The following CCDC122 variants were observed in gnomAD, a reference collection of about 807,000 sequenced individuals.
CCDC122 encodes coiled-coil domain containing 122.
A neutral mutation model predicts 37.0 loss-of-function variants in CCDC122; 38 were observed. The ratio of observed to expected loss-of-function variants is 1.03; its 90% confidence interval spans 0.79 to 1.35. The LOEUF is 1.35. Among genes scored for constraint, CCDC122 ranks in the 40% most tolerant of loss-of-function variants. The probability of loss-of-function intolerance (pLI) is 0.00; values close to 1 mark genes in which losing one functional copy is unlikely to be tolerated. For synonymous variants in CCDC122, 83 were observed against 95.6 expected, an observed-to-expected ratio of 0.87 and a Z score of 0.77; for missense variants, 305 against 310.0, an observed-to-expected ratio of 0.98 and a Z score of 0.12.
At chr13:43,863,700 TG>T (rs1954186742) in intron 4 of CCDC122, among the ~76,000 whole-genome samples, 4 of 142,690 alleles carry the variant, frequency 2.8e-5, no homozygotes, top group African/African-American at 1.0e-4. Context: ...TGTGTGTGTG[TG>T]TGCCTGTGTG....
intron 4 of CCDC122, among the ~76,000 whole-genome samples, chr13:43,860,866 A>C (rs1954080492): frequency 6.6e-6 from 1 of 152,212 alleles, no homozygotes; most frequent in South Asian, 2.1e-4. Context: ...CCTCTAATTC[A>C]CTATATCCAA....
intron 6 of CCDC122, 46 bp downstream of exon 6, chr13:43,858,735 A>T: frequency 7.8e-7 from 1 of 1,275,982 alleles, no homozygotes; most frequent in Non-Finnish European, 1.0e-6. Flanking sequence ...GTTAAGTTTT[A>T]AAAATGGTCC....
At chr13:43,877,257 C>T (rs1243721637) in intron 1 of CCDC122, among the ~76,000 whole-genome samples, 1 of 152,102 alleles carries the variant, frequency 6.6e-6, no homozygotes, top group African/African-American at 2.4e-5. Context: ...TGCAGAATTC[C>T]AATCAGTAGA....
intron 3 of CCDC122, chr13:43,824,111 G>C (rs1440659335): frequency 6.6e-6 from 1 of 152,170 alleles, no homozygotes; most frequent in Non-Finnish European, 1.5e-5. Context: ...GATTGGAGGA[G>C]TCAGTTCAAT....
chr13:43,852,446 G>C (rs1261899054), intron 6 of CCDC122, among the ~76,000 whole-genome samples: 1 of 152,036 alleles, frequency 6.6e-6, no homozygotes, highest in Admixed American at 6.5e-5. Flanking sequence ...AAAAAAGAAT[G>C]AAAAGGAATG....
chr13:43,879,740 T>TGAGGCGGGGCGAGGGGGGC (rs1555394114), upstream of CCDC122: 1 of 129,378 alleles, frequency 7.7e-6, no homozygotes, highest in African/African-American at 2.9e-5. Flanking sequence ...GCGAGGTAGG[T>TGAGGCGGGGCGAGGGGGGC]GAGGTGAGGC....
At chr13:43,826,939 C>T (rs9567274) in intron 3 of CCDC122, among the ~76,000 whole-genome samples, 3,634 of 152,190 alleles carry the variant, frequency 0.024, 109 homozygotes, top group East Asian at 0.14. Flanking sequence ...ACATTTATGA[C>T]TAATTTATAA....
intron 2 of CCDC122, among the ~76,000 whole-genome samples, 190 bp from the exon 3 acceptor site, chr13:43,869,679 C>T (rs1267073733): frequency 6.6e-6 from 1 of 151,878 alleles, no homozygotes; most frequent in Non-Finnish European, 1.5e-5. Flanking sequence ...ATCTTCAGCC[C>T]CTCATCTTCA....
chr13:43,873,668 TG>T (rs1009841494), intron 2 of CCDC122, among the ~76,000 whole-genome samples: 1 of 152,192 alleles, frequency 6.6e-6, no homozygotes. Context: ...CATTACAAGC[TG>T]CATGCAGTTC....
At chr13:43,852,746 A>C (rs1321877687) in intron 6 of CCDC122, among the ~76,000 whole-genome samples, 1 of 151,892 alleles carries the variant, frequency 6.6e-6, no homozygotes, top group Non-Finnish European at 1.5e-5. Flanking sequence ...GAGAAAGGTC[A>C]GATCACCTAC....
chr13:43,846,608 A>G (rs1291926595), intron 6 of CCDC122, among the ~76,000 whole-genome samples: 2 of 152,074 alleles, frequency 1.3e-5, no homozygotes, highest in Non-Finnish European at 1.5e-5. Context: ...GCTTTGTTTT[A>G]GTTCTTAGTT....
chr13:43,827,476 C>A (rs1594809472), intron 3 of CCDC122, among the ~76,000 whole-genome samples: 1 of 152,170 alleles, frequency 6.6e-6, no homozygotes, highest in Non-Finnish European at 1.5e-5. Flanking sequence ...TACATAAGTT[C>A]TCTAAGTTGT....
downstream of CCDC122, among the ~76,000 whole-genome samples, chr13:43,835,257 C>T (rs9533645): frequency 0.046 from 6,953 of 151,920 alleles, 202 homozygotes; most frequent in East Asian, 0.097. Context: ...GGGAATTGAA[C>T]AATGAGAACA....
downstream of CCDC122, among the ~76,000 whole-genome samples, chr13:43,820,340 A>C (rs1425335913): frequency 6.6e-6 from 1 of 152,176 alleles, no homozygotes; most frequent in African/African-American, 2.4e-5. Flanking sequence ...AAAACACAGG[A>C]GCTCCACGGT....
intron 5 of CCDC122, 48 bp downstream of exon 5, chr13:43,859,624 A>G: frequency 7.2e-7 from 1 of 1,388,318 alleles, no homozygotes; most frequent in Non-Finnish European, 9.6e-7. Context: ...ATGTACTTGC[A>G]AAAAAGGAGT....
Position 43,859,664 on chromosome 13 carries a change from T to C in CCDC122, c.555+8A>G, listed in dbSNP as rs1366001574. ...GAAAAAATAGTTTTACTAAGTAATT[T>C]TGCACACCTGTACTTGTGTTATTCG... is the stretch of plus-strand genomic sequence containing the variant. On this transcript the variant is annotated splice_region_variant and intron_variant, in intron 5 of 6. Transcript: ENST00000444614. The C allele has an allele frequency of 2.1e-6, 3 of 1,459,954 alleles. No individual in the cohort carries two copies. In the African/African-American group the frequency reaches 4.4e-5, roughly 21 times the overall value. 90.4% of individuals were successfully genotyped at this position (1,459,954 alleles called of 1,614,324 possible).
intron 6 of CCDC122, among the ~76,000 whole-genome samples, chr13:43,840,655 C>A (rs1236837278): frequency 1.3e-5 from 2 of 151,942 alleles, no homozygotes; most frequent in Non-Finnish European, 2.9e-5. Flanking sequence ...TGTCTTGCAA[C>A]AGTTTGCTGA....
At chr13:43,844,589 A>G (rs1953456636) in intron 6 of CCDC122, among the ~76,000 whole-genome samples, 1 of 152,000 alleles carries the variant, frequency 6.6e-6, no homozygotes, top group Non-Finnish European at 1.5e-5. Context: ...AAAAGTTAAG[A>G]TATCTGATAT....
intron 6 of CCDC122, among the ~76,000 whole-genome samples, chr13:43,852,336 C>T (rs1953766419): frequency 6.6e-6 from 1 of 151,820 alleles, no homozygotes; most frequent in African/African-American, 2.4e-5. Context: ...TTTCATAATG[C>T]TATCACAAAT....
Sources: allele counts gnomAD v4.1 joint callset (sites outside exome capture counted in the v4.1 genomes callset), GRCh38; gene constraint gnomAD v4.1.1; transcripts MANE v1.5; gene names NCBI Gene and HGNC (gene_info 2026-07-23, HGNC 2026-07-21).